The following WSCD2 variants were observed in gnomAD, a reference collection of about 807,000 sequenced individuals.
The protein encoded by WSCD2 is sialate:O-sulfotransferase 2.
A neutral mutation model predicts 55.7 loss-of-function variants in WSCD2; 28 were observed. That is an observed-to-expected ratio of 0.50 (90% confidence interval 0.37 to 0.69). The LOEUF (loss-of-function observed/expected upper bound fraction) is 0.69, where lower values mean the gene tolerates loss of function less well. Among genes scored for constraint, WSCD2 ranks in the 30% least tolerant of loss-of-function variants. The probability of loss-of-function intolerance (pLI) is 0.00; values close to 1 mark genes in which losing one functional copy is unlikely to be tolerated. For missense variants in WSCD2, 616 were observed against 762.1 expected (o/e 0.81, Z 2.26); for synonymous variants, 301 against 301.9 (o/e 1.00, Z 0.03).
At chr12:108,185,418 C>T (rs1009874559) in intron 1 of WSCD2, among the ~76,000 whole-genome samples, 1 of 152,092 alleles carries the variant, frequency 6.6e-6, no homozygotes, top group African/African-American at 2.4e-5. Context: ...CATTCTTGCC[C>T]CAGATCCTCC....
At chr12:108,174,635 G>A (rs997856438) in intron 1 of WSCD2, among the ~76,000 whole-genome samples, 1 of 152,208 alleles carries the variant, frequency 6.6e-6, no homozygotes, top group Admixed American at 6.5e-5. Flanking sequence ...ATTCTTTAGA[G>A]ATAGGGTCTT....
chr12:108,217,482 G>A (rs1886978110), intron 4 of WSCD2, among the ~76,000 whole-genome samples: 1 of 152,190 alleles, frequency 6.6e-6, no homozygotes, highest in East Asian at 1.9e-4. Context: ...TGTATTCTGT[G>A]TCCAGATCAC....
intron 1 of WSCD2, among the ~76,000 whole-genome samples, chr12:108,175,693 T>C (rs1427786574): frequency 6.6e-6 from 1 of 152,166 alleles, no homozygotes; most frequent in Non-Finnish European, 1.5e-5. Flanking sequence ...CAGTGAGCCA[T>C]CCTCTGCCTC....
chr12:108,141,014 GC>G (rs1555221924), intron 1 of WSCD2, among the ~76,000 whole-genome samples: 3 of 152,204 alleles, frequency 2.0e-5, no homozygotes, highest in Non-Finnish European at 4.4e-5. Context: ...AGTGGCTTGA[GC>G]AAGACAATCT....
At chr12:108,164,951 A>G (rs1281720499) in intron 1 of WSCD2, among the ~76,000 whole-genome samples, 1 of 152,200 alleles carries the variant, frequency 6.6e-6, no homozygotes, top group Non-Finnish European at 1.5e-5. Flanking sequence ...CTAACCAGCA[A>G]ATGGACTTGC....
intron 1 of WSCD2, among the ~76,000 whole-genome samples, chr12:108,164,365 C>T (rs1879409510): frequency 6.6e-6 from 1 of 151,786 alleles, no homozygotes; most frequent in Admixed American, 6.6e-5. Flanking sequence ...TTTGCCTGTC[C>T]TTGAACTTCA....
At chr12:108,194,584 A>C (rs747084593) in intron 1 of WSCD2, among the ~76,000 whole-genome samples, 2 of 152,218 alleles carry the variant, frequency 1.3e-5, no homozygotes, top group Non-Finnish European at 2.9e-5. Flanking sequence ...AAAGGAGACA[A>C]GTGTAGATGG....
At chr12:108,244,518 C>G in intron 8 of WSCD2, 1 of 702,900 alleles carries the variant, frequency 1.4e-6, no homozygotes, top group Non-Finnish European at 2.6e-6. Flanking sequence ...CTTGCTTGTC[C>G]CAGGAGCCGT....
intron 8 of WSCD2, chr12:108,244,663 CAT>C: frequency 1.4e-6 from 1 of 694,510 alleles, no homozygotes. Context: ...TCACATACCT[CAT>C]GTGGGGAGGA....
chr12:108,217,210 A>G (rs146455315), intron 4 of WSCD2, among the ~76,000 whole-genome samples: 1 of 152,354 alleles, frequency 6.6e-6, no homozygotes, highest in Non-Finnish European at 1.5e-5. Context: ...GGTCTGTCTG[A>G]CTTAAAGCCA....
chr12:108,162,435 T>G (rs1544883), intron 1 of WSCD2, among the ~76,000 whole-genome samples: 98,961 of 152,040 alleles, frequency 0.65, 34,696 homozygotes, highest in East Asian at 0.91. Flanking sequence ...AGCAACACCC[T>G]CAGTCCCCAG....
At chr12:108,158,588 G>C (rs1360387537) in intron 1 of WSCD2, among the ~76,000 whole-genome samples, 5 of 152,086 alleles carry the variant, frequency 3.3e-5, no homozygotes, top group Non-Finnish European at 5.9e-5. Flanking sequence ...AAGTTGCTTT[G>C]TCTCTCTGAG....
chr12:108,232,961 G>T, intron 7 of WSCD2, 66 bp downstream of exon 7: 1 of 1,576,182 alleles, frequency 6.3e-7, no homozygotes. Flanking sequence ...CCACTTGGAG[G>T]GTATGGGAAT....
intron 1 of WSCD2, among the ~76,000 whole-genome samples, chr12:108,170,185 C>A (rs1473638858): frequency 3.9e-5 from 6 of 152,128 alleles, no homozygotes; most frequent in Non-Finnish European, 8.8e-5. Flanking sequence ...CACCTTTCAG[C>A]CTTACCTTTA....
At chr12:108,205,683 A>T (rs1214443631) in intron 2 of WSCD2, among the ~76,000 whole-genome samples, 1 of 152,202 alleles carries the variant, frequency 6.6e-6, no homozygotes, top group Non-Finnish European at 1.5e-5. Flanking sequence ...TTTGATGCCT[A>T]TCATATGCAA....
At position 108,196,215 on chromosome 12, in the gene WSCD2, G is replaced by T; in HGVS notation, c.382+1G>T. 6.2e-7 allele frequency: 1 copy of T among 1,610,818 alleles called. No individual in the cohort carries two copies. Among genetic ancestry groups the T allele is most frequent in the Non-Finnish European group, 8.5e-7 (1 of 1,178,450 alleles). On this transcript the variant is annotated splice_donor_variant, in intron 2 of 8. Coordinates refer to ENST00000547525, the MANE Select transcript of WSCD2 (RefSeq NM_014653.4). LOFTEE classifies it high-confidence loss of function. ...GTCCGGGAGAAGGAGGAAGAGCGAG[G>T]TAAGAGCGAGGAACATCTGGACACT... is the stretch of plus-strand genomic sequence containing the variant.
intron 3 of WSCD2, among the ~76,000 whole-genome samples, chr12:108,206,807 T>C (rs1885441839): frequency 6.6e-6 from 1 of 152,224 alleles, no homozygotes. Context: ...TGTAGGTGTC[T>C]GATTGCATTT....
intron 1 of WSCD2, among the ~76,000 whole-genome samples, chr12:108,177,677 T>C (rs995139500): frequency 6.6e-6 from 1 of 152,100 alleles, no homozygotes; most frequent in Non-Finnish European, 1.5e-5. Flanking sequence ...TCTCAGCACT[T>C]TGGGATGCTG....
In WSCD2 at chr12:108,195,719, C is replaced by T; in HGVS notation, c.-114C>T. On this transcript the variant is annotated 5_prime_UTR_variant, in exon 2 of 9. Coordinates refer to ENST00000547525, the MANE Select transcript of WSCD2 (RefSeq NM_014653.4). ...GATCACTTTTTCAGGAAGAGTGAGA[C>T]TGAGGACCCCCAAGTGTTCCATCCC... 7.1e-7 allele frequency: 1 copy of T among 1,410,258 alleles called. No homozygotes were observed. Among genetic ancestry groups the T allele is most frequent in the South Asian group, 1.4e-5 (1 of 69,146 alleles). The allele number at this position is 1,410,258 out of a possible 1,614,324, so 87.4% of individuals were successfully genotyped here.
Sources: gnomAD v4.1 joint callset for allele counts (sites outside exome capture counted in the v4.1 genomes callset) on GRCh38, gnomAD v4.1.1 for gene constraint, MANE v1.5 for transcripts, NCBI Gene and HGNC (gene_info 2026-07-23, HGNC 2026-07-21) for gene names.